The following CCDC180 variants were observed in gnomAD, a reference collection of about 807,000 sequenced individuals.
CCDC180 encodes the protein coiled-coil domain-containing protein 180.
Under a neutral mutation model 209.2 loss-of-function variants are expected in CCDC180, and 154 were observed. That is an observed-to-expected ratio of 0.74 (90% CI 0.65 to 0.84). The LOEUF (loss-of-function observed/expected upper bound fraction) is 0.84, where lower values mean the gene tolerates loss of function less well. CCDC180 is among the 40% of genes least tolerant of loss of function. The pLI, the probability that CCDC180 is intolerant of heterozygous loss-of-function variation, is 0.00. For missense variants in CCDC180, 1,874 were observed against 1,997.3 expected (o/e 0.94, Z 1.18); for synonymous variants, 778 against 749.1 (o/e 1.04, Z -0.63).
In CCDC180 at chr9:97,343,578, A is replaced by G. The variant is rs764597397; in HGVS notation, c.2498+15A>G. 2.7e-5 allele frequency: 41 copies of G among 1,530,414 alleles called. No homozygotes were observed. The highest frequency in any genetic ancestry group is 2.4e-4 in the South Asian group (21 of 89,088). The allele number at this position is 1,530,414 out of a possible 1,614,324, so 94.8% of individuals were successfully genotyped here. On this transcript the variant is annotated intron_variant, in intron 19 of 36. Transcript: ENST00000529487. ...ATTAAGAAACAGTGAGTAAAAAACT[A>G]TTTTATTCTCATCCTGTTGTTCTGA...
intron 31 of CCDC180, among the ~76,000 whole-genome samples, chr9:97,368,182 T>G (rs564700574): frequency 6.6e-6 from 1 of 152,170 alleles, no homozygotes; most frequent in Admixed American, 6.5e-5. Context: ...ATTTTTGTAA[T>G]AAAATATTTT....
chr9:97,328,229 T>G, intron 16 of CCDC180, 83 bp downstream of exon 16: 3 of 1,475,352 alleles, frequency 2.0e-6, no homozygotes, highest in Non-Finnish European at 2.8e-6. Context: ...CTGCCTAGAC[T>G]TTGAAAGCCA....
At chr9:97,308,853 G>A (rs753695656) in intron 2 of CCDC180, among the ~76,000 whole-genome samples, 1 of 152,076 alleles carries the variant, frequency 6.6e-6, no homozygotes, top group Non-Finnish European at 1.5e-5. Context: ...TCTCTCTAAG[G>A]CCATTCTTAA....
At chr9:97,337,019 C>T (rs1484960377) in intron 18 of CCDC180, among the ~76,000 whole-genome samples, 1 of 152,148 alleles carries the variant, frequency 6.6e-6, no homozygotes, top group South Asian at 2.1e-4. Flanking sequence ...ATTTTGTATC[C>T]TGAGACTTTG....
At chr9:97,371,256 GC>G (rs1564178373) in intron 33 of CCDC180, 1 of 178,400 alleles carries the variant, frequency 5.6e-6, no homozygotes. Flanking sequence ...GAGCCACCGC[GC>G]CCGGCCTAAC....
rs1227625151 is a variant in CCDC180 at position 97,347,302 on chromosome 9, T to C, written c.2499-12T>C. The C allele has an allele frequency of 1.3e-6, 2 of 1,535,052 alleles. No homozygotes were observed. Among genetic ancestry groups the C allele is most frequent in the East Asian group, 2.4e-5 (1 of 40,906 alleles). On this transcript the variant is annotated splice_polypyrimidine_tract_variant and intron_variant, in intron 19 of 36. Coordinates refer to ENST00000529487, the MANE Select transcript of CCDC180 (RefSeq NM_020893.6). ...TGCTGGCAGGGCTGACCCTGGCTGGTCTCGCCCTCAGACTTCGAGCTGGCT... is the reference window on the plus strand; with the variant it reads ...TGCTGGCAGGGCTGACCCTGGCTGGCCTCGCCCTCAGACTTCGAGCTGGCT...
chr9:97,347,297 G>C lies in CCDC180; in HGVS notation c.2499-17G>C. The C allele has an allele frequency of 6.5e-7, 1 of 1,534,606 alleles. No individual in the cohort carries two copies. The highest frequency in any genetic ancestry group is 8.7e-7 in the Non-Finnish European group (1 of 1,146,338). ...ATGATTGCTGGCAGGGCTGACCCTG[G>C]CTGGTCTCGCCCTCAGACTTCGAGC... On this transcript the variant is annotated splice_polypyrimidine_tract_variant and intron_variant, in intron 19 of 36. Transcript: ENST00000529487.
chr9:97,370,702 A>T lies in CCDC180; in HGVS notation c.4412A>T (p.Glu1471Val), dbSNP rs190166844. 2 of 1,614,070 alleles carry T rather than the reference A, an allele frequency of 1.2e-6. No individual in the cohort carries two copies. Among genetic ancestry groups the T allele is most frequent in the African/African-American group, 2.7e-5 (2 of 75,042 alleles). The change falls in exon 33 of 37, where the codon GAG becomes GTG. Residue 1471 changes from glutamate (E) to valine (V), a missense_variant. Glu to Val is a moderately radical substitution (Grantham distance 121). Transcript: ENST00000529487. ...LGHPVHFQEM[E>V]SLHLSEEERQ... Reference sequence around the variant, plus strand: ...CACCCCGTACATTTCCAAGAAATGGAGTCTCTACACTTAAGTGAAGAGGAA... The same window carrying T: ...CACCCCGTACATTTCCAAGAAATGGTGTCTCTACACTTAAGTGAAGAGGAA...
chr9:97,345,063 G>A (rs1204102134), intron 19 of CCDC180, among the ~76,000 whole-genome samples: 6 of 150,562 alleles, frequency 4.0e-5, no homozygotes, highest in African/African-American at 1.0e-4. Flanking sequence ...ATAGTATCCC[G>A]TTATAAAAAA....
intron 4 of CCDC180, among the ~76,000 whole-genome samples, 158 bp downstream of exon 4, chr9:97,312,359 T>C (rs1833017812): frequency 6.8e-6 from 1 of 146,928 alleles, no homozygotes; most frequent in Non-Finnish European, 1.5e-5. Context: ...CCTGAGCATC[T>C]CAGCCAAGAG....
At chr9:97,320,318 G>T (rs992287874) in intron 11 of CCDC180, 113 bp downstream of exon 11, 6 of 1,001,504 alleles carry the variant, frequency 6.0e-6, no homozygotes, top group Admixed American at 1.8e-5. Flanking sequence ...GAGGGATGGG[G>T]GTGTGGCAGG....
intron 18 of CCDC180, among the ~76,000 whole-genome samples, chr9:97,339,763 G>C (rs1826021999): frequency 6.6e-6 from 1 of 152,152 alleles, no homozygotes; most frequent in Admixed American, 6.5e-5. Context: ...TTTCCAGCTT[G>C]GTTCCATTCT....
At chr9:97,332,510 G>A (rs1354719567) in intron 18 of CCDC180, among the ~76,000 whole-genome samples, 1 of 152,132 alleles carries the variant, frequency 6.6e-6, no homozygotes, top group Non-Finnish European at 1.5e-5. Flanking sequence ...AACATGGGAT[G>A]TTTATGGTTT....
intron 1 of CCDC180, 29 bp downstream of exon 1, chr9:97,307,835 A>T (rs767876516): frequency 3.1e-6 from 5 of 1,613,850 alleles, no homozygotes; most frequent in Non-Finnish European, 4.2e-6. Flanking sequence ...TTGAAAGTTA[A>T]AACCCTAAGT....
intron 18 of CCDC180, among the ~76,000 whole-genome samples, chr9:97,336,140 T>C (rs1162551223): frequency 6.6e-6 from 1 of 151,472 alleles, no homozygotes; most frequent in Non-Finnish European, 1.5e-5. Flanking sequence ...CCTGTTTCTT[T>C]CGCTGTGCAG....
chr9:97,311,909 C>T (rs908881148), intron 3 of CCDC180, among the ~76,000 whole-genome samples: 6 of 152,262 alleles, frequency 3.9e-5, no homozygotes, highest in South Asian at 2.1e-4. Context: ...TAGGGACCCA[C>T]GGTGTCTGTT....
In CCDC180 at chr9:97,313,923, C is replaced by T. The variant is rs115568762; in HGVS notation, c.460-470C>T. Among the ~76,000 whole-genome samples, 382 of 152,308 alleles carry T rather than the reference C, an allele frequency of 2.5e-3. 1 individual carries two copies. Among genetic ancestry groups the T allele is most frequent in the African/African-American group, 8.7e-3 (360 of 41,564 alleles). Reference sequence around the variant, plus strand: ...GTCTTTTCTGACCTGTGTTGTCCTGCCTTGGATTCCTGGAGCTGGCTCTGT... The same window carrying T: ...GTCTTTTCTGACCTGTGTTGTCCTGTCTTGGATTCCTGGAGCTGGCTCTGT... On this transcript the variant is annotated intron_variant, in intron 5 of 36. Coordinates refer to ENST00000529487, the MANE Select transcript of CCDC180 (RefSeq NM_020893.6).
rs917878561 is a variant in CCDC180, at chr9:97,307,757, T to C, written c.-131T>C. On this transcript the variant is annotated 5_prime_UTR_variant, in exon 1 of 37. It removes an upstream start codon present in the reference 5' UTR. Transcript: ENST00000529487. ...CCAGAGTCCCTTCGGATTTGCGCCA[T>C]GCGCGGCGGGGAGAACCGGCCTCCT... The C allele has an allele frequency of 6.2e-7, 1 of 1,614,206 alleles. No individual in the cohort carries two copies. The highest frequency in any genetic ancestry group is 1.7e-5 in the Admixed American group (1 of 60,024).
At position 97,371,211 on chromosome 9, in the gene CCDC180, G is replaced by A. The variant is rs7848135; in HGVS notation, c.4489-384G>A. 1,079 of 164,002 alleles carry A rather than the reference G, an allele frequency of 6.6e-3. 5 individuals are homozygous for A. The highest frequency in any genetic ancestry group is 0.018 in the South Asian group (97 of 5,522). The allele number at this position is 164,002 out of a possible 1,614,324, so 10.2% of individuals were successfully genotyped here. On this transcript the variant is annotated intron_variant, in intron 33 of 36. Coordinates refer to ENST00000529487, the MANE Select transcript of CCDC180 (RefSeq NM_020893.6). ...GATCTCCTGACCTCATGATCCACCC[G>A]CCTCGGCCTCCCAAAGTGCTGGGAT...
Sources: gnomAD v4.1 joint callset for allele counts (sites outside exome capture counted in the v4.1 genomes callset) on GRCh38, gnomAD v4.1.1 for gene constraint, MANE v1.5 for transcripts, NCBI Gene and HGNC (gene_info 2026-07-23, HGNC 2026-07-21) for gene names.